The following NCOA2 variants were observed in gnomAD, a reference collection of about 807,000 sequenced individuals.
NCOA2 encodes the protein nuclear receptor coactivator 2.
A neutral mutation model predicts 145.1 loss-of-function variants in NCOA2; 21 were observed. The ratio of observed to expected loss-of-function variants is 0.14; its 90% CI spans 0.10 to 0.21. NCOA2 has a LOEUF of 0.21. Among genes scored for constraint, NCOA2 ranks in the 10% least tolerant of loss-of-function variants. The probability of loss-of-function intolerance (pLI) is 1.00; values close to 1 mark genes in which losing one functional copy is unlikely to be tolerated. For synonymous variants in NCOA2, 619 were observed against 637.5 expected, an observed-to-expected ratio of 0.97 and a Z score of 0.44; for missense variants, 1,472 against 1,837.6, an observed-to-expected ratio of 0.80 and a Z score of 3.64.
chr8:70,212,066 C>CATATATATATATATATATATATATAT (rs36215324), intron 4 of NCOA2, among the ~76,000 whole-genome samples: 4 of 144,338 alleles, frequency 2.8e-5, no homozygotes, highest in Admixed American at 1.4e-4. Context: ...CTTTGTGGCG[C>CATATATATATATATATATATATATAT]ATATATATAT....
chr8:70,407,130 A>T (rs994981349), upstream of NCOA2, among the ~76,000 whole-genome samples: 2 of 152,262 alleles, frequency 1.3e-5, no homozygotes, highest in Non-Finnish European at 2.9e-5. Flanking sequence ...TTGCCAAAGC[A>T]AAAATCTATA....
At chr8:70,153,738 T>C (rs1439326455) in intron 11 of NCOA2, among the ~76,000 whole-genome samples, 2 of 152,234 alleles carry the variant, frequency 1.3e-5, no homozygotes, top group African/African-American at 4.8e-5. Flanking sequence ...AATATGGTTT[T>C]ACATTTCACT....
At chr8:70,442,009 TAAAG>T in the NCOA2 span, among the ~76,000 whole-genome samples, 2 of 19,262 alleles carry the variant, frequency 1.0e-4, no homozygotes, top group African/African-American at 2.7e-4. Flanking sequence ...AAGAAAGAAA[TAAAG>T]GAAAGAAAGA....
the NCOA2 span, among the ~76,000 whole-genome samples, chr8:70,435,487 C>T: frequency 3.6e-5 from 5 of 139,804 alleles, no homozygotes; most frequent in East Asian, 6.7e-4. Context: ...ACTGCCCCAA[C>T]TGAGGTCCTA....
At chr8:70,381,093 T>C (rs963543096) in intron 1 of NCOA2, among the ~76,000 whole-genome samples, 1 of 150,716 alleles carries the variant, frequency 6.6e-6, no homozygotes, top group African/African-American at 2.4e-5. Flanking sequence ...AAAATGCCTA[T>C]AGGATGAAAA....
At chr8:70,394,208 T>C (rs1586675465) in intron 1 of NCOA2, among the ~76,000 whole-genome samples, 1 of 152,128 alleles carries the variant, frequency 6.6e-6, no homozygotes, top group African/African-American at 2.4e-5. Context: ...CAGGCTGGAG[T>C]GCGATGGCGC....
chr8:70,368,661 A>G (rs1810929592), intron 1 of NCOA2, among the ~76,000 whole-genome samples: 2 of 152,220 alleles, frequency 1.3e-5, no homozygotes, highest in South Asian at 2.1e-4. Flanking sequence ...CTTAAGTGTC[A>G]CATAACAAAC....
upstream of NCOA2, among the ~76,000 whole-genome samples, chr8:70,407,667 C>T (rs1056316825): frequency 2.6e-5 from 4 of 151,728 alleles, no homozygotes; most frequent in African/African-American, 7.3e-5. Flanking sequence ...TGTGGTGGCG[C>T]GCTCCTGTAG....
chr8:70,207,884 A>AGAAG lies in NCOA2; in HGVS notation c.259+6018_259+6019insCTTC, dbSNP rs1202540329. Reference sequence around the variant, plus strand: ...CCTCAAAAAAAAAAAAAAAAAAAAAAAAGAAGAAGAAGAAGAAGAAAAGAA... The same window carrying AGAAG: ...CCTCAAAAAAAAAAAAAAAAAAAAAAGAAGAAGAAGAAGAAGAAGAAGAAAAGAA... On this transcript the variant is annotated intron_variant, in intron 4 of 22. Coordinates refer to ENST00000452400, the MANE Select transcript of NCOA2 (RefSeq NM_006540.4). Among the ~76,000 whole-genome samples, 3 of 144,254 alleles carry AGAAG rather than the reference A, an allele frequency of 2.1e-5. No individual in the cohort carries two copies. In the East Asian group the frequency reaches 6.6e-4, roughly 32 times the overall value. 94.6% of individuals were successfully genotyped at this position (144,254 alleles called of 152,430 possible).
At chr8:70,372,738 T>C (rs912016743) in intron 1 of NCOA2, among the ~76,000 whole-genome samples, 1 of 152,216 alleles carries the variant, frequency 6.6e-6, no homozygotes, top group Non-Finnish European at 1.5e-5. Flanking sequence ...TGAACATTTC[T>C]ACCATTCCAA....
At chr8:70,380,374 C>T (rs952296358) in intron 1 of NCOA2, among the ~76,000 whole-genome samples, 4 of 152,222 alleles carry the variant, frequency 2.6e-5, no homozygotes, top group Middle Eastern at 3.4e-3. Flanking sequence ...ACTCCTCACT[C>T]GCACAGTGCC....
intron 4 of NCOA2, 71 bp downstream of exon 4, chr8:70,213,832 G>A (rs1222159934): frequency 2.3e-6 from 3 of 1,290,304 alleles, no homozygotes; most frequent in African/African-American, 1.5e-5. Flanking sequence ...AAGGGACTCT[G>A]AAGGGACTTC....
intron 2 of NCOA2, among the ~76,000 whole-genome samples, chr8:70,228,000 A>G (rs868739801): frequency 8.6e-5 from 8 of 92,620 alleles, no homozygotes; most frequent in Middle Eastern, 5.2e-3. Context: ...GTGAGACTCC[A>G]TCTCAAAAAA....
intron 1 of NCOA2, among the ~76,000 whole-genome samples, chr8:70,328,784 A>G (rs760980181): frequency 6.6e-6 from 1 of 152,224 alleles, no homozygotes; most frequent in Non-Finnish European, 1.5e-5. Context: ...ATAAAATTAA[A>G]AACAAAGAGA....
chr8:70,130,031 G>A (rs10091207), intron 16 of NCOA2, among the ~76,000 whole-genome samples: 2 of 152,148 alleles, frequency 1.3e-5, no homozygotes, highest in Admixed American at 6.5e-5. Flanking sequence ...CCCATGTAGT[G>A]CTGGAGCCGC....
the NCOA2 span, among the ~76,000 whole-genome samples, chr8:70,425,384 C>T: frequency 6.6e-6 from 1 of 151,960 alleles, no homozygotes; most frequent in African/African-American, 2.4e-5. Context: ...TAGTGGTGCC[C>T]TCCTTTAAAG....
At chr8:70,342,285 C>CAAA (rs765051673) in intron 1 of NCOA2, among the ~76,000 whole-genome samples, 9 of 151,982 alleles carry the variant, frequency 5.9e-5, no homozygotes, top group Admixed American at 1.3e-4. Flanking sequence ...AAACAGGAAG[C>CAAA]AAAACAAAAC....
At chr8:70,234,061 A>G (rs1353698354) in intron 2 of NCOA2, among the ~76,000 whole-genome samples, 2 of 152,064 alleles carry the variant, frequency 1.3e-5, no homozygotes, top group South Asian at 2.1e-4. Flanking sequence ...TCTACTCTCT[A>G]TCTCTATGGA....
At chr8:70,253,463 A>G (rs1823368556) in intron 2 of NCOA2, among the ~76,000 whole-genome samples, 1 of 152,208 alleles carries the variant, frequency 6.6e-6, no homozygotes, top group Non-Finnish European at 1.5e-5. Flanking sequence ...AAATGTATCA[A>G]AAATGATACT....
Sources: gnomAD v4.1 joint callset for allele counts (sites outside exome capture counted in the v4.1 genomes callset) on GRCh38, gnomAD v4.1.1 for gene constraint, MANE v1.5 for transcripts, NCBI Gene and HGNC (gene_info 2026-07-23, HGNC 2026-07-21) for gene names.